SOX5: variants seen among roughly 807,000 people sequenced by gnomAD.
The protein encoded by SOX5 is transcription factor SOX-5.
Under a neutral mutation model 92.0 loss-of-function variants are expected in SOX5, and 9 were observed. The ratio of observed to expected loss-of-function variants is 0.10; its 90% CI spans 0.06 to 0.17. The LOEUF (loss-of-function observed/expected upper bound fraction) is 0.17. Ranked by LOEUF, SOX5 falls within the 10% of genes least tolerant of loss-of-function variation. SOX5 has a pLI of 1.00. For missense variants in SOX5, 642 were observed against 944.5 expected (o/e 0.68, Z 4.20); for synonymous variants, 344 against 336.3 (o/e 1.02, Z -0.25).
intron 3 of SOX5, among the ~76,000 whole-genome samples, chr12:24,263,545 A>AC (rs1054002678): frequency 6.7e-6 from 1 of 149,210 alleles, no homozygotes; most frequent in African/African-American, 2.5e-5. Context: ...AAAAAACAAA[A>AC]AAAAAAACAA....
At chr12:24,482,201 C>T (rs1352468889) in intron 1 of SOX5, among the ~76,000 whole-genome samples, 3 of 152,142 alleles carry the variant, frequency 2.0e-5, no homozygotes, top group African/African-American at 7.2e-5. Flanking sequence ...CACTCACACA[C>T]TGAGAAAGAT....
rs146458936 is a variant in SOX5 at position 24,395,803 on chromosome 12, G to A, written c.-250-27164C>T. Among the ~76,000 whole-genome samples, 9 of 152,262 alleles carry A rather than the reference G, an allele frequency of 5.9e-5. No homozygotes were observed. In the East Asian group the frequency reaches 1.7e-3, roughly 29 times the overall value. ...GCTTCTAATCTTCTAGAAGTCTCTA[G>A]CTGAAAACTACTTTCAAACCAGGAT... On this transcript the variant is annotated intron_variant, in intron 1 of 4. Coordinates refer to the SOX5 transcript ENST00000446891.
chr12:23,944,957 G>C (rs1480834636), intron 1 of SOX5, among the ~76,000 whole-genome samples: 1 of 151,962 alleles, frequency 6.6e-6, no homozygotes, highest in African/African-American at 2.4e-5. Context: ...AAATTATAAA[G>C]GAATAACAAA....
intron 6 of SOX5, among the ~76,000 whole-genome samples, chr12:23,713,692 C>A (rs982696272): frequency 3.4e-5 from 5 of 147,152 alleles, no homozygotes; most frequent in African/African-American, 1.2e-4. Context: ...TTGAAATTAT[C>A]TGGAATATAT....
At chr12:23,765,592 G>C (rs959631357) in intron 3 of SOX5, among the ~76,000 whole-genome samples, 2 of 151,800 alleles carry the variant, frequency 1.3e-5, no homozygotes, top group African/African-American at 4.8e-5. Context: ...TAATGATAAA[G>C]GCAGTGGTTA....
At chr12:24,008,503 C>A (rs1044082807) in intron 4 of SOX5, among the ~76,000 whole-genome samples, 6 of 151,928 alleles carry the variant, frequency 3.9e-5, no homozygotes, top group African/African-American at 1.5e-4. Context: ...TGGATTAAAT[C>A]CACCTATATA....
chr12:23,987,343 T>G (rs1204572492), intron 4 of SOX5, among the ~76,000 whole-genome samples: 1 of 151,674 alleles, frequency 6.6e-6, no homozygotes, highest in East Asian at 1.9e-4. Flanking sequence ...ATACACAGAG[T>G]GGTAGAAGTA....
intron 4 of SOX5, among the ~76,000 whole-genome samples, chr12:24,173,493 G>A (rs191830703): frequency 1.3e-5 from 2 of 152,334 alleles, no homozygotes; most frequent in African/African-American, 2.4e-5. Flanking sequence ...CAGCTGATAC[G>A]CTGGCCTTTT....
At chr12:23,626,126 C>T (rs1240982891) in intron 8 of SOX5, among the ~76,000 whole-genome samples, 2 of 151,528 alleles carry the variant, frequency 1.3e-5, no homozygotes, top group African/African-American at 2.4e-5. Flanking sequence ...GACAGAGAAA[C>T]GGAGAGAGAT....
intron 1 of SOX5, among the ~76,000 whole-genome samples, chr12:23,906,248 T>C (rs2097292143): frequency 6.6e-6 from 1 of 152,256 alleles, no homozygotes; most frequent in Admixed American, 6.5e-5. Flanking sequence ...GTTCCATTTA[T>C]CTATAAATTA....
At chr12:24,379,122 A>C (rs984422092) in intron 1 of SOX5, among the ~76,000 whole-genome samples, 1 of 152,188 alleles carries the variant, frequency 6.6e-6, no homozygotes, top group Non-Finnish European at 1.5e-5. Flanking sequence ...TAATTTATGC[A>C]CCCTCTCTTA....
chr12:23,768,470 A>C (rs2094812962), intron 3 of SOX5, among the ~76,000 whole-genome samples: 1 of 152,200 alleles, frequency 6.6e-6, no homozygotes, highest in Non-Finnish European at 1.5e-5. Flanking sequence ...GATGAATATG[A>C]AAGCTTCAAA....
chr12:23,809,832 T>G (rs1015573189), intron 3 of SOX5, among the ~76,000 whole-genome samples: 6 of 151,074 alleles, frequency 4.0e-5, no homozygotes, highest in African/African-American at 1.2e-4. Context: ...GATAACAGAC[T>G]GAATTTCCCA....
intron 3 of SOX5, among the ~76,000 whole-genome samples, chr12:24,217,364 C>A (rs1460775977): frequency 6.6e-6 from 1 of 152,156 alleles, no homozygotes; most frequent in Non-Finnish European, 1.5e-5. Context: ...CTACAGGACA[C>A]CCAGCTGACG....
intron 4 of SOX5, among the ~76,000 whole-genome samples, chr12:24,145,760 G>A (rs1235246176): frequency 1.3e-5 from 2 of 152,160 alleles, no homozygotes; most frequent in East Asian, 3.8e-4. Flanking sequence ...GCCTCCCTCA[G>A]CCTCACAATG....
At chr12:24,067,975 T>C (rs1941061637) in intron 4 of SOX5, among the ~76,000 whole-genome samples, 1 of 152,094 alleles carries the variant, frequency 6.6e-6, no homozygotes, top group African/African-American at 2.4e-5. Flanking sequence ...TGAAACCCCG[T>C]CTCTACTAAA....
chr12:24,283,396 T>C (rs879723979), intron 2 of SOX5, among the ~76,000 whole-genome samples: 9 of 152,214 alleles, frequency 5.9e-5, no homozygotes, highest in Non-Finnish European at 8.8e-5. Flanking sequence ...ATTTTCCTCC[T>C]GGTAATATCA....
At chr12:23,818,019 C>T (rs908738874) in intron 3 of SOX5, among the ~76,000 whole-genome samples, 1 of 152,162 alleles carries the variant, frequency 6.6e-6, no homozygotes, top group Admixed American at 6.5e-5. Flanking sequence ...CCTTCTTGGG[C>T]ATTTAGAGAG....
intron 3 of SOX5, among the ~76,000 whole-genome samples, chr12:23,768,697 AT>A (rs200980165): frequency 4.6e-5 from 7 of 151,306 alleles, no homozygotes; most frequent in Non-Finnish European, 3.0e-5. Context: ...TCTAGTTGCA[AT>A]TTTTTTTTAC....
Sources: gnomAD v4.1 joint callset for allele counts (sites outside exome capture counted in the v4.1 genomes callset) on GRCh38, gnomAD v4.1.1 for gene constraint, MANE v1.5 for transcripts, NCBI Gene and HGNC (gene_info 2026-07-23, HGNC 2026-07-21) for gene names.